Variants in CD1B observed in about 807,000 individuals in gnomAD.
CD1B encodes the protein CD1b molecule.
In CD1B, 43 loss-of-function variants were observed where a neutral mutation model predicts 39.8. The ratio of observed to expected loss-of-function variants is 1.08; its 90% CI spans 0.85 to 1.39. The LOEUF (loss-of-function observed/expected upper bound fraction) is 1.39, where lower values mean the gene tolerates loss of function less well. CD1B is among the 40% of genes most tolerant of loss of function. CD1B has a pLI of 0.00. For missense variants in CD1B, 495 were observed against 403.8 expected (o/e 1.23, Z -1.94); for synonymous variants, 192 against 152.5 (o/e 1.26, Z -1.91).
chr1:158,292,829 G>T, the CD1B span: 4,029 of 1,614,204 alleles, frequency 2.5e-3, 7 homozygotes, highest in Non-Finnish European at 3.1e-3. Flanking sequence ...GTCTTGTCGA[G>T]TGAGACACAG....
the CD1B span, among the ~76,000 whole-genome samples, chr1:158,318,251 T>C: frequency 6.6e-6 from 1 of 152,206 alleles, no homozygotes; most frequent in Admixed American, 6.5e-5. Context: ...CTGTCTAATC[T>C]TGACAGTGGG....
the CD1B span, among the ~76,000 whole-genome samples, chr1:158,305,379 C>A: frequency 4.0e-5 from 6 of 150,920 alleles, no homozygotes; most frequent in Admixed American, 4.0e-4. Flanking sequence ...GAAGTTTAGA[C>A]GAAAAAGAAT....
chr1:158,309,747 T>C, the CD1B span, among the ~76,000 whole-genome samples: 2 of 146,814 alleles, frequency 1.4e-5, no homozygotes, highest in African/African-American at 5.1e-5. Context: ...AACAAAACAC[T>C]GCATGTTCTC....
At chr1:158,298,386 C>T in the CD1B span, among the ~76,000 whole-genome samples, 2 of 152,176 alleles carry the variant, frequency 1.3e-5, no homozygotes, top group Non-Finnish European at 2.9e-5. Context: ...CGACACTTGA[C>T]CAAATGGACC....
chr1:158,302,259 C>T, the CD1B span, among the ~76,000 whole-genome samples: 1 of 152,104 alleles, frequency 6.6e-6, no homozygotes, highest in African/African-American at 2.4e-5. Flanking sequence ...AAAGATACTA[C>T]ATGCCAGAGT....
the CD1B span, chr1:158,290,126 G>GT: frequency 6.2e-7 from 1 of 1,613,578 alleles, no homozygotes; most frequent in Middle Eastern, 1.6e-4. Context: ...AATGCAGACG[G>GT]TAAGAACATC....
chr1:158,326,092 C>T (rs1000573993), downstream of CD1B, among the ~76,000 whole-genome samples: 4 of 152,104 alleles, frequency 2.6e-5, no homozygotes, highest in African/African-American at 9.7e-5. Context: ...GCCTCAGCCT[C>T]CCTGAGTAGC....
the CD1B span, among the ~76,000 whole-genome samples, chr1:158,322,123 G>A: frequency 1.3e-5 from 2 of 152,050 alleles, no homozygotes; most frequent in African/African-American, 4.8e-5. Context: ...TTTTAATAAA[G>A]TATTTTAGTT....
At chr1:158,286,840 GT>G in the CD1B span, among the ~76,000 whole-genome samples, 1 of 150,796 alleles carries the variant, frequency 6.6e-6, no homozygotes, top group Non-Finnish European at 1.5e-5. Flanking sequence ...AATACTTTTT[GT>G]TTTTTTTTCC....
downstream of CD1B, among the ~76,000 whole-genome samples, chr1:158,323,643 C>T (rs1431412927): frequency 6.6e-6 from 1 of 152,208 alleles, no homozygotes; most frequent in African/African-American, 2.4e-5. Flanking sequence ...CACTGGGCCT[C>T]TCCAGAATTT....
At chr1:158,300,521 G>A in the CD1B span, among the ~76,000 whole-genome samples, 1 of 152,154 alleles carries the variant, frequency 6.6e-6, no homozygotes, top group Admixed American at 6.5e-5. Context: ...CTGAGTTCAA[G>A]TCCTGGATAT....
At chr1:158,302,351 A>G in the CD1B span, among the ~76,000 whole-genome samples, 1 of 152,184 alleles carries the variant, frequency 6.6e-6, no homozygotes, top group Non-Finnish European at 1.5e-5. Flanking sequence ...AAGATCTCAA[A>G]TTAGTAACAT....
chr1:158,289,993 A>G, the CD1B span: 2 of 1,392,490 alleles, frequency 1.4e-6, no homozygotes, highest in Non-Finnish European at 2.0e-6. Flanking sequence ...ATATAGGTAC[A>G]GAGGGATAAG....
the CD1B span, among the ~76,000 whole-genome samples, chr1:158,302,488 C>CA: frequency 2.0e-5 from 3 of 151,356 alleles, no homozygotes; most frequent in South Asian, 2.1e-4. Flanking sequence ...AGAAGATAAA[C>CA]AAAAAAATTG....
At chr1:158,315,215 C>T in the CD1B span, among the ~76,000 whole-genome samples, 2 of 152,106 alleles carry the variant, frequency 1.3e-5, no homozygotes, top group Non-Finnish European at 2.9e-5. Flanking sequence ...AGTTCTAGAT[C>T]CCTGAGGAAT....
the CD1B span, chr1:158,290,134 A>G: frequency 1.2e-6 from 2 of 1,613,148 alleles, no homozygotes; most frequent in Non-Finnish European, 1.7e-6. Context: ...CGGTAAGAAC[A>G]TCGCTGTCAG....
downstream of CD1B, among the ~76,000 whole-genome samples, chr1:158,325,336 G>T (rs73027856): frequency 0.048 from 7,250 of 151,980 alleles, 563 homozygotes; most frequent in African/African-American, 0.16. Context: ...GTTCTCCAGA[G>T]ACTACATGGA....
the CD1B span, among the ~76,000 whole-genome samples, chr1:158,293,848 C>T: frequency 6.6e-6 from 1 of 152,120 alleles, no homozygotes. Context: ...ATAAATGTGC[C>T]TTTCCTGCAT....
At chr1:158,305,310 G>T in the CD1B span, among the ~76,000 whole-genome samples, 28 of 152,170 alleles carry the variant, frequency 1.8e-4, no homozygotes, top group Non-Finnish European at 1.5e-5. Context: ...AGTAGCCGAT[G>T]GGATCAAGTG....
Sources: allele counts gnomAD v4.1 joint callset (sites outside exome capture counted in the v4.1 genomes callset), GRCh38; gene constraint gnomAD v4.1.1; transcripts MANE v1.5; gene names NCBI Gene and HGNC (gene_info 2026-07-23, HGNC 2026-07-21).